HS6ST3: variants seen among roughly 807,000 people sequenced by gnomAD.
The protein encoded by HS6ST3 is heparan-sulfate 6-O-sulfotransferase 3.
HS6ST3 carries 12 observed loss-of-function variants against 36.7 expected under a neutral mutation model. The ratio of observed to expected loss-of-function variants is 0.33; its 90% CI spans 0.21 to 0.53. HS6ST3 has a LOEUF of 0.53. HS6ST3 is among the 20% of genes least tolerant of loss of function. The pLI is 0.95. For missense variants in HS6ST3, 584 were observed against 640.9 expected (o/e 0.91, Z 0.96); for synonymous variants, 240 against 257.5 (o/e 0.93, Z 0.65).
intron 1 of HS6ST3, among the ~76,000 whole-genome samples, chr13:96,732,750 T>C (rs576907183): frequency 6.6e-6 from 1 of 152,240 alleles, no homozygotes; most frequent in Non-Finnish European, 1.5e-5. Context: ...TTGAGTAGAA[T>C]GGACATTTTA....
intron 1 of HS6ST3, among the ~76,000 whole-genome samples, chr13:96,214,779 A>G (rs1028366453): frequency 3.3e-5 from 5 of 152,188 alleles, no homozygotes; most frequent in Admixed American, 6.5e-5. Flanking sequence ...AATTTTAAAA[A>G]CAGAAATCAA....
At chr13:96,272,809 T>C (rs2054727850) in intron 1 of HS6ST3, among the ~76,000 whole-genome samples, 1 of 151,998 alleles carries the variant, frequency 6.6e-6, no homozygotes, top group Admixed American at 6.6e-5. Flanking sequence ...ACCTTGGGGA[T>C]ATTAACTCTG....
At chr13:96,752,150 G>T (rs1312738269) in intron 1 of HS6ST3, among the ~76,000 whole-genome samples, 1 of 151,858 alleles carries the variant, frequency 6.6e-6, no homozygotes. Context: ...TTATATAACG[G>T]TATCACAATC....
intron 1 of HS6ST3, among the ~76,000 whole-genome samples, chr13:96,184,200 C>CA (rs796944357): frequency 1.0e-3 from 72 of 71,268 alleles, no homozygotes; most frequent in Admixed American, 3.5e-3. Context: ...ACTCTGTCTC[C>CA]AAAAAAAAAA....
intron 1 of HS6ST3, among the ~76,000 whole-genome samples, chr13:96,431,308 T>A (rs1305487247): frequency 6.6e-6 from 1 of 151,818 alleles, no homozygotes; most frequent in Admixed American, 6.6e-5. Context: ...GAAAACAACA[T>A]GAAGAGAGGG....
chr13:96,473,538 C>T (rs566912278), intron 1 of HS6ST3, among the ~76,000 whole-genome samples: 2 of 152,322 alleles, frequency 1.3e-5, no homozygotes, highest in African/African-American at 4.8e-5. Context: ...ATCGCTACCT[C>T]TTCTGGGGAA....
At chr13:96,634,283 G>C (rs558727232) in intron 1 of HS6ST3, among the ~76,000 whole-genome samples, 1 of 152,216 alleles carries the variant, frequency 6.6e-6, no homozygotes, top group African/African-American at 2.4e-5. Context: ...TTGCACCTCA[G>C]TGCTTGCCCC....
intron 1 of HS6ST3, among the ~76,000 whole-genome samples, chr13:96,701,321 T>G (rs956778757): frequency 6.6e-6 from 1 of 152,242 alleles, no homozygotes; most frequent in African/African-American, 2.4e-5. Flanking sequence ...GGTCTGATGA[T>G]GTAGAGAATG....
intron 1 of HS6ST3, among the ~76,000 whole-genome samples, chr13:96,569,723 G>A (rs1462663701): frequency 6.6e-6 from 1 of 152,118 alleles, no homozygotes; most frequent in Non-Finnish European, 1.5e-5. Flanking sequence ...TACTCTAGCT[G>A]AAAGGAAATA....
At chr13:96,660,679 A>T (rs1308373725) in intron 1 of HS6ST3, among the ~76,000 whole-genome samples, 1 of 152,232 alleles carries the variant, frequency 6.6e-6, no homozygotes, top group Non-Finnish European at 1.5e-5. Flanking sequence ...AATTCTATTA[A>T]TATCAAACAA....
rs7318300 is a variant in HS6ST3 at position 96,542,103 on chromosome 13, C to G, written c.708-290387C>G. Among the ~76,000 whole-genome samples the G allele has an allele frequency of 8.0e-3, 1,213 of 152,276 alleles. 16 individuals are homozygous for G. Among genetic ancestry groups the G allele is most frequent in the African/African-American group, 0.027 (1,139 of 41,556 alleles). On this transcript the variant is annotated intron_variant, in intron 1 of 1. Transcript: ENST00000376705. ...AAAAATCCCTAGGGGCAGAAAGCCT[C>G]TGGGATAAATACTTAACAAATTATG...
intron 1 of HS6ST3, among the ~76,000 whole-genome samples, chr13:96,791,203 C>T (rs565608998): frequency 7.9e-5 from 12 of 152,126 alleles, no homozygotes; most frequent in East Asian, 1.9e-4. Context: ...TGAATCTTGA[C>T]GAACCTCTAT....
At chr13:96,560,437 G>A (rs2056257613) in intron 1 of HS6ST3, among the ~76,000 whole-genome samples, 1 of 152,042 alleles carries the variant, frequency 6.6e-6, no homozygotes, top group Non-Finnish European at 1.5e-5. Context: ...GGGAAAAACT[G>A]GAAGCATTCC....
At chr13:96,362,939 C>A (rs1000841469) in intron 1 of HS6ST3, among the ~76,000 whole-genome samples, 4 of 152,068 alleles carry the variant, frequency 2.6e-5, no homozygotes, top group African/African-American at 9.7e-5. Context: ...CACATGATTC[C>A]ATTTATAAGA....
chr13:96,519,381 T>C (rs1437516612), intron 1 of HS6ST3, among the ~76,000 whole-genome samples: 3 of 152,212 alleles, frequency 2.0e-5, no homozygotes, highest in Non-Finnish European at 4.4e-5. Flanking sequence ...AGATTGGCTA[T>C]TTTGAGGTGA....
At chr13:96,648,749 G>T (rs974449238) in intron 1 of HS6ST3, among the ~76,000 whole-genome samples, 1 of 151,976 alleles carries the variant, frequency 6.6e-6, no homozygotes, top group Non-Finnish European at 1.5e-5. Context: ...AGACCATGCG[G>T]TGTTTGGTTT....
At chr13:96,117,477 C>A (rs2053899255) in intron 1 of HS6ST3, among the ~76,000 whole-genome samples, 1 of 152,090 alleles carries the variant, frequency 6.6e-6, no homozygotes, top group African/African-American at 2.4e-5. Flanking sequence ...CAGGACCAGG[C>A]ATTTACATTG....
intron 1 of HS6ST3, among the ~76,000 whole-genome samples, chr13:96,774,343 C>G (rs969154719): frequency 2.0e-5 from 3 of 152,114 alleles, no homozygotes; most frequent in Non-Finnish European, 2.9e-5. Context: ...GACAAATTGA[C>G]AGAAGTAGGC....
At chr13:96,558,204 T>TG (rs1313838233) in intron 1 of HS6ST3, among the ~76,000 whole-genome samples, 1 of 152,152 alleles carries the variant, frequency 6.6e-6, no homozygotes, top group Non-Finnish European at 1.5e-5. Context: ...ACCCATTCTT[T>TG]GGGGAAAAAA....
Sources: gnomAD v4.1 joint callset for allele counts (sites outside exome capture counted in the v4.1 genomes callset) on GRCh38, gnomAD v4.1.1 for gene constraint, MANE v1.5 for transcripts, NCBI Gene and HGNC (gene_info 2026-07-23, HGNC 2026-07-21) for gene names.